Variants in UBE2E1 observed in about 807,000 individuals in gnomAD.
UBE2E1 encodes ubiquitin conjugating enzyme E2 E1.
In UBE2E1, 6 loss-of-function variants were observed where a neutral mutation model predicts 21.4. The observed-to-expected ratio is 0.28, with a 90% CI of 0.15 to 0.55. UBE2E1 has a LOEUF of 0.55. UBE2E1 is among the 20% of genes least tolerant of loss of function. The probability of loss-of-function intolerance (pLI) is 0.93; values close to 1 mark genes in which losing one functional copy is unlikely to be tolerated. For missense variants in UBE2E1, 142 were observed against 236.5 expected, an observed-to-expected ratio of 0.60 and a Z score of 2.62; for synonymous variants, 87 against 82.7, an observed-to-expected ratio of 1.05 and a Z score of -0.28.
At chr3:23,849,686 C>T (rs980828852) in intron 3 of UBE2E1, among the ~76,000 whole-genome samples, 1 of 152,170 alleles carries the variant, frequency 6.6e-6, no homozygotes, top group Non-Finnish European at 1.5e-5. Context: ...ATAACATGAA[C>T]TGATTCTTTT....
rs1699328852 is a variant in UBE2E1, at chr3:23,808,828, AT to A, written c.152+1408del. Reference sequence around the variant, plus strand: ...TTCCTTAATACTGCGCCCCACCTCAATCCTCTAGGCTCTCTGATCCTCATTC... The same window carrying A: ...TTCCTTAATACTGCGCCCCACCTCAACCTCTAGGCTCTCTGATCCTCATTC... On this transcript the variant is annotated intron_variant, in intron 2 of 5. Transcript: ENST00000306627. The surrounding 1 kb of genome is among the most constrained non-coding windows in gnomAD (Gnocchi z 4.9). 1 of 152,062 alleles carries A rather than the reference AT, an allele frequency of 6.6e-6. No homozygotes were observed. The highest frequency in any genetic ancestry group is 1.5e-5 in the Non-Finnish European group (1 of 68,022). 9.4% of individuals were successfully genotyped at this position (152,062 alleles called of 1,614,324 possible).
rs569169292 is a variant in UBE2E1 at position 23,882,123 on chromosome 3, G to C, written c.204-5444G>C. ...GAACAAAGCTTCCACAGTGTCAAAG[G>C]GGGCCTGAGCAGGTTGCCACTGCTG... On this transcript the variant is annotated intron_variant, in intron 3 of 5. Transcript: ENST00000306627. Among the ~76,000 whole-genome samples, 16 of 152,304 alleles carry C rather than the reference G, an allele frequency of 1.1e-4. No homozygotes were observed. In the East Asian group the frequency reaches 3.1e-3, roughly 29 times the overall value.
intron 3 of UBE2E1, among the ~76,000 whole-genome samples, chr3:23,864,028 G>A (rs1226629737): frequency 6.6e-6 from 1 of 152,094 alleles, no homozygotes; most frequent in Non-Finnish European, 1.5e-5. Context: ...ATTTTGCAGA[G>A]TACATCCCTC....
At chr3:23,844,739 T>C (rs1468543947) in intron 3 of UBE2E1, among the ~76,000 whole-genome samples, 2 of 152,162 alleles carry the variant, frequency 1.3e-5, no homozygotes, top group African/African-American at 4.8e-5. Context: ...TACACTTACA[T>C]ATGGAGAATA....
chr3:23,819,227 T>C (rs1699593954), intron 3 of UBE2E1, among the ~76,000 whole-genome samples: 1 of 152,122 alleles, frequency 6.6e-6, no homozygotes, highest in African/African-American at 2.4e-5. Flanking sequence ...GGGGTTGCAG[T>C]GAACCAAGAT....
intron 4 of UBE2E1, 137 bp from the exon 5 acceptor site, chr3:23,888,975 A>C (rs956232082): frequency 1.2e-6 from 1 of 861,836 alleles, no homozygotes; most frequent in Admixed American, 3.4e-5. Context: ...AACACTTTCT[A>C]ATCAAATTTA....
rs1333428685 is a variant in UBE2E1, at chr3:23,863,809, C to T, written c.204-23758C>T. On this transcript the variant is annotated intron_variant, in intron 3 of 5. Transcript: ENST00000306627. This position sits in a 1 kb window ranked among gnomAD's most constrained non-coding sequence, Gnocchi z 4.3. ...CCTCCCAAAGTGCTGGGATTACAGG[C>T]GTGAACCACCGCGCCCAGCCTGAAT... Among the ~76,000 whole-genome samples the T allele has an allele frequency of 1.3e-5, 2 of 152,130 alleles. No individual in the cohort carries two copies. The highest frequency in any genetic ancestry group is 2.4e-5 in the African/African-American group (1 of 41,420).
intron 3 of UBE2E1, among the ~76,000 whole-genome samples, chr3:23,875,876 G>C (rs1016632023): frequency 6.6e-6 from 1 of 152,202 alleles, no homozygotes; most frequent in East Asian, 1.9e-4. Context: ...AGGTTCAAGC[G>C]ATTCTCCTGC....
intron 3 of UBE2E1, among the ~76,000 whole-genome samples, chr3:23,854,243 C>CAAAAAA (rs754330255): frequency 1.8e-5 from 1 of 55,682 alleles, no homozygotes; most frequent in Non-Finnish European, 4.1e-5. Flanking sequence ...GACTCAGTCT[C>CAAAAAA]AAAAAAAAAA....
intron 3 of UBE2E1, among the ~76,000 whole-genome samples, chr3:23,886,754 C>T (rs1701194984): frequency 1.3e-5 from 2 of 152,310 alleles, no homozygotes; most frequent in South Asian, 2.1e-4. Flanking sequence ...TGACATTTAA[C>T]CCTCTGCCTA....
At chr3:23,849,537 GTGA>G (rs1329376819) in intron 3 of UBE2E1, among the ~76,000 whole-genome samples, 1 of 152,092 alleles carries the variant, frequency 6.6e-6, no homozygotes, top group Non-Finnish European at 1.5e-5. Context: ...GCCCTAGTGT[GTGA>G]TGTTTCCCTC....
intron 3 of UBE2E1, among the ~76,000 whole-genome samples, chr3:23,871,822 G>A (rs1379569321): frequency 7.9e-5 from 12 of 151,122 alleles, no homozygotes; most frequent in African/African-American, 2.9e-4. Context: ...GATGGCGGCC[G>A]GGAAGAGGCG....
At chr3:23,831,328 G>A (rs983907545) in intron 3 of UBE2E1, among the ~76,000 whole-genome samples, 3 of 152,056 alleles carry the variant, frequency 2.0e-5, no homozygotes, top group Non-Finnish European at 2.9e-5. Context: ...CAGCCTGCCT[G>A]AAGAACATGA....
intron 3 of UBE2E1, chr3:23,879,352 G>A: frequency 1.6e-6 from 1 of 633,816 alleles, no homozygotes; most frequent in Non-Finnish European, 2.8e-6. Flanking sequence ...CTTTTGGTAG[G>A]TACAGTATTT....
chr3:23,827,530 G>A (rs1341830354), intron 3 of UBE2E1, among the ~76,000 whole-genome samples: 1 of 152,152 alleles, frequency 6.6e-6, no homozygotes, highest in South Asian at 2.1e-4. Flanking sequence ...AAATGCTTAA[G>A]TACCTTGCCC....
chr3:23,839,198 T>C (rs1700032842), intron 3 of UBE2E1, among the ~76,000 whole-genome samples: 1 of 152,162 alleles, frequency 6.6e-6, no homozygotes, highest in Non-Finnish European at 1.5e-5. Context: ...GTGCGGTGGC[T>C]CATGCCTGTA....
intron 3 of UBE2E1, among the ~76,000 whole-genome samples, chr3:23,829,955 G>A (rs1488871462): frequency 6.6e-6 from 1 of 152,098 alleles, no homozygotes; most frequent in African/African-American, 2.4e-5. Context: ...ATATGGGTAT[G>A]CCACATGTTT....
chr3:23,840,544 C>G (rs952927824), intron 3 of UBE2E1, among the ~76,000 whole-genome samples: 7 of 152,098 alleles, frequency 4.6e-5, no homozygotes, highest in African/African-American at 7.2e-5. Flanking sequence ...TAATTTTTAC[C>G]ATTCACTGAG....
intron 3 of UBE2E1, among the ~76,000 whole-genome samples, chr3:23,861,982 C>T (rs938049100): frequency 2.6e-5 from 4 of 152,246 alleles, no homozygotes; most frequent in African/African-American, 9.6e-5. Context: ...CGCCTATGGA[C>T]GGCTAAACTA....
Sources: gnomAD v4.1 joint callset for allele counts (sites outside exome capture counted in the v4.1 genomes callset) on GRCh38, gnomAD v4.1.1 for gene constraint, Gnocchi (gnomAD v3.1) non-coding constraint, MANE v1.5 for transcripts, NCBI Gene and HGNC (gene_info 2026-07-23, HGNC 2026-07-21) for gene names.